Variants in MEAK7 observed in about 807,000 individuals in gnomAD.
The protein encoded by MEAK7 is MTOR-associated protein MEAK7.
In MEAK7, 68 loss-of-function variants were observed where a neutral mutation model predicts 40.5. That is an observed-to-expected ratio of 1.68 (90% CI 1.38 to 2.06). The LOEUF is 2.06. Among genes scored for constraint, MEAK7 ranks in the 30% most tolerant of loss-of-function variants. The pLI is 0.00. For missense variants in MEAK7, 918 were observed against 580.5 expected, an observed-to-expected ratio of 1.58 and a Z score of -5.98; for synonymous variants, 338 against 231.9, an observed-to-expected ratio of 1.46 and a Z score of -4.16.
chr16:84,485,106 G>C (rs999239605), intron 5 of MEAK7, among the ~76,000 whole-genome samples: 1 of 152,180 alleles, frequency 6.6e-6, no homozygotes, highest in African/African-American at 2.4e-5. Flanking sequence ...AGGCTGGGCT[G>C]GTGGGCACAT....
chr16:84,495,944 G>T, intron 2 of MEAK7, 31 bp from the exon 3 acceptor site: 2 of 1,609,112 alleles, frequency 1.2e-6, no homozygotes, highest in South Asian at 1.1e-5. Context: ...AATATGGTTA[G>T]ACAGTGCACA....
chr16:84,489,664 C>G (rs1385757119), intron 3 of MEAK7, among the ~76,000 whole-genome samples: 2 of 152,186 alleles, frequency 1.3e-5, no homozygotes, highest in African/African-American at 4.8e-5. Flanking sequence ...GGGTTTAGGA[C>G]TCCCCGAGGA....
intron 1 of MEAK7, among the ~76,000 whole-genome samples, chr16:84,498,818 A>C (rs1343255843): frequency 6.6e-6 from 1 of 152,202 alleles, no homozygotes; most frequent in Non-Finnish European, 1.5e-5. Flanking sequence ...AATCACCTGT[A>C]TTTGAATAAA....
chr16:84,493,588 T>G (rs1913806546), intron 3 of MEAK7, among the ~76,000 whole-genome samples: 1 of 152,236 alleles, frequency 6.6e-6, no homozygotes, highest in Non-Finnish European at 1.5e-5. Flanking sequence ...TTTTAACAAT[T>G]AAAATATACT....
intron 1 of MEAK7, among the ~76,000 whole-genome samples, chr16:84,500,568 T>A (rs912897448): frequency 6.6e-6 from 1 of 152,154 alleles, no homozygotes; most frequent in Non-Finnish European, 1.5e-5. Flanking sequence ...TGGAAGGGGA[T>A]GGGGGTGCAC....
rs1342571354 is a variant in MEAK7 at position 84,480,687 on chromosome 16, A to G, written c.1099T>C (p.Tyr367His). The G allele has an allele frequency of 6.2e-7, 1 of 1,613,544 alleles. No homozygotes were observed. Among genetic ancestry groups the G allele is most frequent in the Non-Finnish European group, 8.5e-7 (1 of 1,179,706 alleles). The change falls in exon 7 of 8, where the codon TAC (tyrosine) becomes CAC (histidine). Residue 367 changes from tyrosine to histidine, a missense_variant. Coordinates refer to ENST00000343629, the MANE Select transcript of MEAK7 (RefSeq NM_020947.4). ...NGLGMGGQHN[Y>H]FGLWVDVDFG... Reference sequence around the variant, plus strand: ...TCAACATCCACCCAAAGCCCAAAGTAATTGTGCTGCCCCCCCATACCCTGC... The same window carrying G: ...TCAACATCCACCCAAAGCCCAAAGTGATTGTGCTGCCCCCCCATACCCTGC...
At chr16:84,489,561 T>C (rs1460576785) in intron 3 of MEAK7, 139 bp from the exon 4 acceptor site, 8 of 1,020,000 alleles carry the variant, frequency 7.8e-6, no homozygotes, top group South Asian at 5.4e-5. Flanking sequence ...GCAATGTATG[T>C]AGTTACTCGT....
In MEAK7 at chr16:84,495,757, C is replaced by T. The variant is rs984673876; in HGVS notation, c.310G>A (p.Glu104Lys). 14 of 1,613,814 alleles carry T rather than the reference C, an allele frequency of 8.7e-6. No individual in the cohort carries two copies. The highest frequency in any genetic ancestry group is 5.0e-5 in the Admixed American group (3 of 59,986). Residue 104 changes from glutamate (E) to lysine (K), a missense_variant, in exon 3 of 8, where the codon GAG (glutamate) becomes AAG (lysine). Physicochemically the swap from Glu to Lys is moderately conservative, Grantham distance 56. Coordinates refer to ENST00000343629, the MANE Select transcript of MEAK7 (RefSeq NM_020947.4). ...SMSHLLKGNS[E>K]EKSLMIMKMI... Reference sequence around the variant, plus strand: ...TTCATAATCATGAGACTCTTCTCCTCGGAGTTTCCTTTCAACAGGTGGGAC... The same window carrying T: ...TTCATAATCATGAGACTCTTCTCCTTGGAGTTTCCTTTCAACAGGTGGGAC...
Position 84,489,794 on chromosome 16 carries a change from G to T in MEAK7, c.385-372C>A, listed in dbSNP as rs114268579. On this transcript the variant is annotated intron_variant, in intron 3 of 7. Coordinates refer to ENST00000343629, the MANE Select transcript of MEAK7 (RefSeq NM_020947.4). ...CTCCCCAAATTTGGTTGAGATCTAA[G>T]GTTTATTTTGCTGAGTTTTACTTGC... 4.9e-3 allele frequency among the ~76,000 whole-genome samples: 745 copies of T among 152,224 alleles called. 10 individuals are homozygous for T. Among genetic ancestry groups the T allele is most frequent in the African/African-American group, 0.017 (708 of 41,510 alleles).
intron 3 of MEAK7, among the ~76,000 whole-genome samples, chr16:84,491,982 T>A (rs878941616): frequency 3.3e-5 from 5 of 152,336 alleles, no homozygotes; most frequent in Admixed American, 3.3e-4. Context: ...TAAAAGAGAC[T>A]TGAATCCTGC....
At chr16:84,484,201 G>C (rs1477254549) in intron 5 of MEAK7, among the ~76,000 whole-genome samples, 1 of 152,184 alleles carries the variant, frequency 6.6e-6, no homozygotes, top group Non-Finnish European at 1.5e-5. Context: ...GTTCTCCATA[G>C]GGAAAGCCAG....
At position 84,490,654 on chromosome 16, in the gene MEAK7, A is replaced by ATGTGTGTGTG. The variant is rs35489449; in HGVS notation, c.385-1242_385-1233dup. On this transcript the variant is annotated intron_variant, in intron 3 of 7. Coordinates refer to ENST00000343629, the MANE Select transcript of MEAK7 (RefSeq NM_020947.4). ...TCAGCTTAATTAAAAGCTAATCAAG[A>ATGTGTGTGTG]TGTGTGTGTGTGTGTGTGTGTGTGT... is the stretch of plus-strand genomic sequence containing the variant. Among the ~76,000 whole-genome samples, 736 of 137,600 alleles carry ATGTGTGTGTG rather than the reference A, an allele frequency of 5.3e-3. 7 individuals are homozygous for ATGTGTGTGTG. Among genetic ancestry groups the ATGTGTGTGTG allele is most frequent in the East Asian group, 0.017 (80 of 4,842 alleles). 90.3% of individuals were successfully genotyped at this position (137,600 alleles called of 152,430 possible).
At chr16:84,491,165 C>G (rs887295383) in intron 3 of MEAK7, among the ~76,000 whole-genome samples, 3 of 152,296 alleles carry the variant, frequency 2.0e-5, no homozygotes, top group Admixed American at 6.5e-5. Flanking sequence ...GGGGGCTGGG[C>G]GTGGTGGCTC....
At chr16:84,499,383 A>C (rs754577594) in intron 1 of MEAK7, among the ~76,000 whole-genome samples, 1 of 152,196 alleles carries the variant, frequency 6.6e-6, no homozygotes, top group Admixed American at 6.5e-5. Context: ...TCACTGCAGC[A>C]GTAAACTTTC....
rs1912177956 is a variant in MEAK7 at position 84,477,776 on chromosome 16, GC to G, written c.*2136del. ...TGTCAGGTCCACTGGCCCCAGCCCT[GC>G]ACACGCCCTAAAAAGGTTTGAGTGT... On this transcript the variant is annotated 3_prime_UTR_variant, in exon 8 of 8. Coordinates refer to ENST00000343629, the MANE Select transcript of MEAK7 (RefSeq NM_020947.4). 1 of 152,126 alleles carries G rather than the reference GC, an allele frequency of 6.6e-6. No individual in the cohort carries two copies. The highest frequency in any genetic ancestry group is 2.4e-5 in the African/African-American group (1 of 41,402). 9.4% of individuals were successfully genotyped at this position (152,126 alleles called of 1,614,324 possible). A position where few individuals can be genotyped will look rare whatever the true frequency, so the allele number is the denominator to read the frequency against.
intron 3 of MEAK7, among the ~76,000 whole-genome samples, chr16:84,491,620 C>G (rs145819944): frequency 0.05 from 7,518 of 149,670 alleles, 530 homozygotes; most frequent in East Asian, 0.33. Context: ...AGGTGGATCA[C>G]GAGGTCAGGA....
Position 84,502,515 on chromosome 16 carries a change from T to C in MEAK7, c.-26+2086A>G, listed in dbSNP as rs569549968. ...TCTCGAGGCCAATGTAGGGTTGTGTTATGCACAGCTTTGCAGAGAAGAGGC... is the reference window on the plus strand; with the variant it reads ...TCTCGAGGCCAATGTAGGGTTGTGTCATGCACAGCTTTGCAGAGAAGAGGC... On this transcript the variant is annotated intron_variant, in intron 1 of 7. Coordinates refer to ENST00000343629, the MANE Select transcript of MEAK7 (RefSeq NM_020947.4). 1.2e-4 allele frequency among the ~76,000 whole-genome samples: 18 copies of C among 152,158 alleles called. No individual in the cohort carries two copies. In the East Asian group the frequency reaches 3.5e-3, roughly 29 times the overall value.
intron 2 of MEAK7, chr16:84,497,056 T>G (rs1041699757): frequency 1.3e-4 from 21 of 160,612 alleles, no homozygotes; most frequent in African/African-American, 4.8e-4. Flanking sequence ...GGTTTTTTGT[T>G]TGTTTGTTTG....
intron 2 of MEAK7, among the ~76,000 whole-genome samples, chr16:84,496,301 T>C (rs1300105505): frequency 3.3e-5 from 5 of 152,178 alleles, no homozygotes; most frequent in Admixed American, 1.3e-4. Context: ...ATGACATACC[T>C]GGTCAAACCA....
Sources: gnomAD v4.1 joint callset for allele counts (sites outside exome capture counted in the v4.1 genomes callset) on GRCh38, gnomAD v4.1.1 for gene constraint, MANE v1.5 for transcripts, NCBI Gene and HGNC (gene_info 2026-07-23, HGNC 2026-07-21) for gene names.